The following CPEB4 variants were observed in gnomAD, a reference collection of about 807,000 sequenced individuals.
The protein encoded by CPEB4 is cytoplasmic polyadenylation element-binding protein 4.
A neutral mutation model predicts 72.5 loss-of-function variants in CPEB4; 12 were observed. The ratio of observed to expected loss-of-function variants is 0.17; its 90% CI spans 0.11 to 0.27. The LOEUF (loss-of-function observed/expected upper bound fraction) is 0.27, where lower values mean the gene tolerates loss of function less well. Among genes scored for constraint, CPEB4 ranks in the 10% least tolerant of loss-of-function variants. The pLI, the probability that CPEB4 is intolerant of heterozygous loss-of-function variation, is 1.00. For synonymous variants in CPEB4, 302 were observed against 326.3 expected (o/e 0.93, Z 0.80); for missense variants, 614 against 908.5 (o/e 0.68, Z 4.17).
chr5:173,924,137 T>G (rs1179656650), intron 2 of CPEB4, among the ~76,000 whole-genome samples: 1 of 152,204 alleles, frequency 6.6e-6, no homozygotes, highest in African/African-American at 2.4e-5. Context: ...ATCTTACAGA[T>G]AAGTGTTATT....
Position 173,957,941 on chromosome 5 carries a change from T to C in CPEB4, c.*1804T>C, listed in dbSNP as rs941108887. ...TAGAAAGGGAGCTGCTTTTAAAGAA[T>C]TCCCTGCAAATACTGAAAGCAGTCA... is the stretch of plus-strand genomic sequence containing the variant. On this transcript the variant is annotated 3_prime_UTR_variant, in exon 10 of 10. Coordinates refer to ENST00000265085, the MANE Select transcript of CPEB4 (RefSeq NM_030627.4). The C allele has an allele frequency of 6.5e-6, 1 of 152,816 alleles. No homozygotes were observed. The highest frequency in any genetic ancestry group is 1.5e-5 in the Non-Finnish European group (1 of 68,042). 9.5% of individuals were successfully genotyped at this position (152,816 alleles called of 1,614,324 possible). A position where few individuals can be genotyped will look rare whatever the true frequency, so the allele number is the denominator to read the frequency against.
Position 173,900,617 on chromosome 5 carries a change from T to C in CPEB4, c.1125+9759T>C, listed in dbSNP as rs945240538. Among the ~76,000 whole-genome samples, 3 of 152,246 alleles carry C rather than the reference T, an allele frequency of 2.0e-5. No homozygotes were observed. The highest frequency in any genetic ancestry group is 3.9e-4 in the East Asian group (2 of 5,192). On this transcript the variant is annotated intron_variant, in intron 1 of 9. Transcript: ENST00000265085. This position sits in a 1 kb window ranked among gnomAD's most constrained non-coding sequence, Gnocchi z 4.4. ...AATAGTTTATTAGGGAGAAGTCTTA[T>C]ACTGATAGTTTTGGGGTCATAGGTT...
chr5:173,890,379 C>G lies in CPEB4; in HGVS notation c.646C>G (p.Pro216Ala). The change falls in exon 1 of 10, where the codon CCT becomes GCT. Residue 216 changes from proline to alanine, a missense_variant. Around this residue, in one of 5 missense-constraint regions of CPEB4, gnomAD observed 458 missense variants for 548.6 expected, o/e 0.83. Coordinates refer to ENST00000265085, the MANE Select transcript of CPEB4 (RefSeq NM_030627.4). ...TCAAAATTTCCCCCATCATGTCAGC[C>G]CTGGCTTTGGAGGCAGCTTCTCTCC... ...LFQNFPHHVS[P>A]GFGGSFSPQI... is the part of the protein sequence containing the mutation. 1 of 1,614,106 alleles carries G rather than the reference C, an allele frequency of 6.2e-7. No homozygotes were observed. The highest frequency in any genetic ancestry group is 8.5e-7 in the Non-Finnish European group (1 of 1,180,030).
chr5:173,942,867 G>A (rs376973334), intron 3 of CPEB4, among the ~76,000 whole-genome samples, 159 bp from the exon 4 acceptor site: 159 of 152,152 alleles, frequency 1.0e-3, no homozygotes, highest in Middle Eastern at 6.8e-3. Flanking sequence ...CTTACCTCCC[G>A]TTCCTTGTTT....
At chr5:173,924,871 C>G (rs559345995) in intron 2 of CPEB4, among the ~76,000 whole-genome samples, 35 of 152,292 alleles carry the variant, frequency 2.3e-4, no homozygotes, top group Middle Eastern at 3.4e-3. Flanking sequence ...CACCCAAAAT[C>G]CATAAAGATC....
At chr5:173,896,233 AAGGC>A (rs1756006249) in intron 1 of CPEB4, among the ~76,000 whole-genome samples, 2 of 152,214 alleles carry the variant, frequency 1.3e-5, no homozygotes, top group African/African-American at 4.8e-5. Context: ...GCTTCTCTTT[AAGGC>A]AGAGAGCCTA....
chr5:173,920,223 AG>A (rs1757022258), intron 2 of CPEB4, among the ~76,000 whole-genome samples: 2 of 152,156 alleles, frequency 1.3e-5, no homozygotes, highest in South Asian at 4.1e-4. Context: ...GGAACTCTGA[AG>A]GGAAAGCACT....
intron 2 of CPEB4, among the ~76,000 whole-genome samples, chr5:173,930,264 C>T (rs550244232): frequency 6.6e-6 from 1 of 152,286 alleles, no homozygotes; most frequent in East Asian, 1.9e-4. Flanking sequence ...CCACATTGAC[C>T]AAGCTGGTCT....
chr5:173,896,007 A>AT (rs1430547330), intron 1 of CPEB4, among the ~76,000 whole-genome samples: 1 of 152,212 alleles, frequency 6.6e-6, no homozygotes, highest in Non-Finnish European at 1.5e-5. Context: ...TTTGAAAGTC[A>AT]TCGTTGTTGG....
intron 1 of CPEB4, among the ~76,000 whole-genome samples, chr5:173,902,157 T>C (rs1480376069): frequency 1.3e-5 from 2 of 152,224 alleles, no homozygotes; most frequent in Non-Finnish European, 2.9e-5. Flanking sequence ...TGGGCTCTAC[T>C]GGCATCTCAA....
chr5:173,919,538 A>G (rs1032436090), intron 2 of CPEB4, among the ~76,000 whole-genome samples: 6 of 152,192 alleles, frequency 3.9e-5, no homozygotes, highest in Non-Finnish European at 7.3e-5. Context: ...AAAATTCTAT[A>G]GAGGTGACTC....
chr5:173,940,433 C>T (rs928273795), intron 3 of CPEB4, among the ~76,000 whole-genome samples: 1 of 152,154 alleles, frequency 6.6e-6, no homozygotes, highest in African/African-American at 2.4e-5. Flanking sequence ...TGACATTTTC[C>T]TCAGGAAAGC....
intron 2 of CPEB4, among the ~76,000 whole-genome samples, chr5:173,920,678 G>T (rs1449621500): frequency 6.6e-6 from 1 of 152,152 alleles, no homozygotes; most frequent in African/African-American, 2.4e-5. Context: ...TGAACTTAAT[G>T]ATCTTTACAT....
chr5:173,931,135 C>A (rs1757433342), intron 2 of CPEB4, among the ~76,000 whole-genome samples: 2 of 152,080 alleles, frequency 1.3e-5, no homozygotes, highest in South Asian at 4.1e-4. Flanking sequence ...ACTATGGAGA[C>A]TGTTTCAAAG....
intron 3 of CPEB4, among the ~76,000 whole-genome samples, chr5:173,934,901 G>A (rs894870941): frequency 5.3e-5 from 8 of 152,214 alleles, no homozygotes; most frequent in African/African-American, 1.9e-4. Flanking sequence ...GATCACATCT[G>A]TAGACAAATT....
At chr5:173,934,793 G>T (rs534849427) in intron 3 of CPEB4, among the ~76,000 whole-genome samples, 16 of 152,292 alleles carry the variant, frequency 1.1e-4, no homozygotes, top group African/African-American at 3.8e-4. Context: ...TTAAAACTAG[G>T]TAGGGAGGAG....
intron 1 of CPEB4, among the ~76,000 whole-genome samples, chr5:173,905,976 G>T (rs1279656149): frequency 3.9e-5 from 6 of 152,168 alleles, no homozygotes. Flanking sequence ...AAGCTTCCTA[G>T]TGTCTAATGC....
At chr5:173,933,613 G>A (rs1757519296) in intron 3 of CPEB4, among the ~76,000 whole-genome samples, 1 of 152,166 alleles carries the variant, frequency 6.6e-6, no homozygotes, top group South Asian at 2.1e-4. Context: ...ACCCAGTGGC[G>A]ACAGTGGCAT....
chr5:173,940,520 T>C (rs1757800145), intron 3 of CPEB4, among the ~76,000 whole-genome samples: 1 of 152,230 alleles, frequency 6.6e-6, no homozygotes, highest in Non-Finnish European at 1.5e-5. Flanking sequence ...GAAAAGTGCT[T>C]AGTACATCTT....
Sources: allele counts gnomAD v4.1 joint callset (sites outside exome capture counted in the v4.1 genomes callset), GRCh38; gene constraint gnomAD v4.1.1; regional missense constraint gnomAD v4.1.1; non-coding constraint Gnocchi (gnomAD v3.1); transcripts MANE v1.5; gene names NCBI Gene and HGNC (gene_info 2026-07-23, HGNC 2026-07-21).